DPP10: variants seen among roughly 807,000 people sequenced by gnomAD.
The protein encoded by DPP10 is dipeptidyl peptidase like 10.
Under a neutral mutation model 120.9 loss-of-function variants are expected in DPP10, and 33 were observed. The observed-to-expected ratio is 0.27, with a 90% confidence interval of 0.21 to 0.37. The LOEUF is 0.37. Among genes scored for constraint, DPP10 ranks in the 10% least tolerant of loss-of-function variants. The probability of loss-of-function intolerance (pLI) is 1.00; values close to 1 mark genes in which losing one functional copy is unlikely to be tolerated. For missense variants in DPP10, 816 were observed against 942.8 expected, an observed-to-expected ratio of 0.87 and a Z score of 1.76; for synonymous variants, 337 against 326.1, an observed-to-expected ratio of 1.03 and a Z score of -0.36.
At chr2:115,187,712 G>T (rs1573940968) in intron 1 of DPP10, among the ~76,000 whole-genome samples, 1 of 152,052 alleles carries the variant, frequency 6.6e-6, no homozygotes, top group African/African-American at 2.4e-5. Flanking sequence ...GCATGACAAA[G>T]CTCAGTAGGC....
At chr2:115,473,559 A>G (rs556749926) in intron 3 of DPP10, among the ~76,000 whole-genome samples, 9 of 152,126 alleles carry the variant, frequency 5.9e-5, no homozygotes, top group Admixed American at 1.3e-4. Flanking sequence ...ATATCAGCCA[A>G]TTTTTCAGAA....
At chr2:115,431,086 G>C (rs907923567) in intron 3 of DPP10, among the ~76,000 whole-genome samples, 1 of 152,102 alleles carries the variant, frequency 6.6e-6, no homozygotes, top group Non-Finnish European at 1.5e-5. Flanking sequence ...AGAGACCCAG[G>C]GTTATTATTC....
At chr2:114,777,934 A>T (rs1681908324) in intron 1 of DPP10, among the ~76,000 whole-genome samples, 1 of 152,114 alleles carries the variant, frequency 6.6e-6, no homozygotes, top group South Asian at 2.1e-4. Flanking sequence ...GGGTAGTGGT[A>T]AAGCATGGAC....
intron 1 of DPP10, among the ~76,000 whole-genome samples, chr2:115,082,838 G>A (rs1436020737): frequency 2.0e-5 from 3 of 152,194 alleles, no homozygotes; most frequent in Admixed American, 1.3e-4. Flanking sequence ...CTAGGAATTC[G>A]TGAGCTAAAT....
chr2:115,116,608 TA>T, intron 1 of DPP10, among the ~76,000 whole-genome samples: 1 of 152,308 alleles, frequency 6.6e-6, no homozygotes, highest in South Asian at 2.1e-4. Context: ...ATAAAAATGT[TA>T]AGTTTCAAAG....
At chr2:115,496,261 T>C (rs555915622) in intron 3 of DPP10, among the ~76,000 whole-genome samples, 1 of 152,258 alleles carries the variant, frequency 6.6e-6, no homozygotes, top group Non-Finnish European at 1.5e-5. Context: ...ATCTTTATTA[T>C]TTATTAAGCT....
At chr2:115,606,794 C>G (rs1039638266) in intron 5 of DPP10, among the ~76,000 whole-genome samples, 20 of 152,232 alleles carry the variant, frequency 1.3e-4, no homozygotes, top group African/African-American at 4.3e-4. Flanking sequence ...TATAAGCACT[C>G]CTACAACAAA....
intron 2 of DPP10, 21 bp from the exon 3 acceptor site, chr2:115,343,796 C>T (rs1232153434): frequency 6.3e-7 from 1 of 1,576,902 alleles, no homozygotes. Flanking sequence ...GGCATCTAAC[C>T]TAGAATTTCC....
intron 1 of DPP10, among the ~76,000 whole-genome samples, chr2:114,697,758 A>G (rs1484941642): frequency 1.3e-5 from 2 of 151,454 alleles, no homozygotes; most frequent in Non-Finnish European, 2.9e-5. Context: ...TCAAAAAAAA[A>G]AAAAAAAAAA....
intron 1 of DPP10, among the ~76,000 whole-genome samples, chr2:115,251,535 G>A (rs2058751866): frequency 6.6e-6 from 1 of 152,058 alleles, no homozygotes; most frequent in South Asian, 2.1e-4. Flanking sequence ...CTGTCTATAG[G>A]ACCTACGTAA....
intron 9 of DPP10, 49 bp downstream of exon 9, chr2:115,739,942 G>A (rs770291924): frequency 3.2e-6 from 5 of 1,583,494 alleles, no homozygotes; most frequent in Non-Finnish European, 4.3e-6. Flanking sequence ...CTCTGCACTA[G>A]TGACTTGACA....
chr2:115,378,325 G>A (rs1405071206), intron 3 of DPP10, among the ~76,000 whole-genome samples: 2 of 139,416 alleles, frequency 1.4e-5, no homozygotes, highest in East Asian at 4.2e-4. Context: ...ATTGTGAATG[G>A]GAGTTCACTC....
At chr2:114,829,638 A>G (rs936950410) in intron 1 of DPP10, among the ~76,000 whole-genome samples, 3 of 151,362 alleles carry the variant, frequency 2.0e-5, no homozygotes, top group African/African-American at 7.3e-5. Flanking sequence ...CAGCCTCCCA[A>G]AGTGCTCGGA....
intron 1 of DPP10, among the ~76,000 whole-genome samples, chr2:114,818,036 A>T (rs1685780824): frequency 6.6e-6 from 1 of 152,148 alleles, no homozygotes; most frequent in South Asian, 2.1e-4. Flanking sequence ...AAACATTCCG[A>T]ACTAAGGATA....
intron 1 of DPP10, among the ~76,000 whole-genome samples, chr2:115,031,795 A>C (rs1449514468): frequency 1.3e-5 from 2 of 152,094 alleles, no homozygotes; most frequent in African/African-American, 4.8e-5. Context: ...TGTTTTCTTC[A>C]TCTCAGGTTT....
At chr2:115,699,174 A>G (rs1484253248) in intron 7 of DPP10, among the ~76,000 whole-genome samples, 6 of 152,118 alleles carry the variant, frequency 3.9e-5, no homozygotes, top group African/African-American at 1.4e-4. Flanking sequence ...GATAACCTAG[A>G]CGAAATGAAG....
At chr2:115,281,517 G>T (rs1208979965) in intron 1 of DPP10, among the ~76,000 whole-genome samples, 1 of 152,146 alleles carries the variant, frequency 6.6e-6, no homozygotes, top group Non-Finnish European at 1.5e-5. Context: ...TGGCTATATC[G>T]CTTGGTGAAA....
chr2:114,899,939 G>A (rs1693411296), intron 1 of DPP10, among the ~76,000 whole-genome samples: 1 of 152,232 alleles, frequency 6.6e-6, no homozygotes. Flanking sequence ...CAGCCTGGGT[G>A]ACAGAGCGAG....
chr2:115,767,300 T>TG (rs2149808342), intron 12 of DPP10, among the ~76,000 whole-genome samples: 1 of 152,146 alleles, frequency 6.6e-6, no homozygotes, highest in African/African-American at 2.4e-5. Flanking sequence ...TAAAAGGGCT[T>TG]GAAGGCCATT....
Sources: allele counts gnomAD v4.1 joint callset (sites outside exome capture counted in the v4.1 genomes callset), GRCh38; gene constraint gnomAD v4.1.1; transcripts MANE v1.5; gene names NCBI Gene and HGNC (gene_info 2026-07-23, HGNC 2026-07-21).